RBBP8: variants seen among roughly 807,000 people sequenced by gnomAD.
The protein encoded by RBBP8 is RB binding protein 8, endonuclease.
A neutral mutation model predicts 108.3 loss-of-function variants in RBBP8; 88 were observed. The ratio of observed to expected loss-of-function variants is 0.81; its 90% confidence interval spans 0.68 to 0.97. The LOEUF is 0.97. Ranked by LOEUF, RBBP8 falls within the 50% of genes least tolerant of loss-of-function variation. The pLI, the probability that RBBP8 is intolerant of heterozygous loss-of-function variation, is 0.00. For synonymous variants in RBBP8, 332 were observed against 348.2 expected, an observed-to-expected ratio of 0.95 and a Z score of 0.52; for missense variants, 1,023 against 1,049.0, an observed-to-expected ratio of 0.98 and a Z score of 0.34.
intron 6 of RBBP8, among the ~76,000 whole-genome samples, chr18:22,979,845 G>A (rs187592915): frequency 5.1e-4 from 77 of 152,240 alleles, no homozygotes; most frequent in Admixed American, 1.5e-3. Context: ...AAATGTTTAC[G>A]CCATACCTAC....
At chr18:22,956,140 T>C (rs1269911303) in intron 4 of RBBP8, among the ~76,000 whole-genome samples, 1 of 152,158 alleles carries the variant, frequency 6.6e-6, no homozygotes, top group Non-Finnish European at 1.5e-5. Context: ...AACTAAATAC[T>C]ACCTTTAAAG....
intron 5 of RBBP8, among the ~76,000 whole-genome samples, chr18:22,970,088 TC>T (rs1314412638): frequency 2.6e-5 from 4 of 152,242 alleles, no homozygotes; most frequent in African/African-American, 9.6e-5. Context: ...ATACTTTAAA[TC>T]ATCTCTAGAT....
chr18:23,017,893 C>T (rs1237432192), intron 17 of RBBP8, among the ~76,000 whole-genome samples: 1 of 150,296 alleles, frequency 6.7e-6, no homozygotes, highest in Non-Finnish European at 1.5e-5. Flanking sequence ...ATTACAGGCA[C>T]CTACCACCAT....
At chr18:22,979,978 G>A (rs2089872631) in intron 6 of RBBP8, among the ~76,000 whole-genome samples, 1 of 151,724 alleles carries the variant, frequency 6.6e-6, no homozygotes, top group Non-Finnish European at 1.5e-5. Flanking sequence ...GGGCGCCGTG[G>A]TTCACGCCTA....
intron 8 of RBBP8, among the ~76,000 whole-genome samples, chr18:22,985,984 AT>A (rs1230333189): frequency 2.0e-4 from 30 of 149,478 alleles, no homozygotes; most frequent in African/African-American, 6.4e-4. Context: ...ATTTTTAGAC[AT>A]TTCCCCCCTC....
At chr18:22,999,696 A>G (rs2045915394) in intron 14 of RBBP8, among the ~76,000 whole-genome samples, 2 of 152,150 alleles carry the variant, frequency 1.3e-5, no homozygotes, top group African/African-American at 4.8e-5. Flanking sequence ...AGCACTTAGA[A>G]TTGGTTTAAA....
rs137982648 is a variant in RBBP8 at position 22,920,531 on chromosome 18, C to A, written c.-154+3505C>A. ...TTCAAAGTTATACCTTAAATCTATTCCCTTGAAAGTTCTTTGCCTATCATA... is the reference window on the plus strand; with the variant it reads ...TTCAAAGTTATACCTTAAATCTATTACCTTGAAAGTTCTTTGCCTATCATA... On this transcript the variant is annotated intron_variant, in intron 3 of 4. Transcript: ENST00000577588. 4.0e-3 allele frequency among the ~76,000 whole-genome samples: 606 copies of A among 152,270 alleles called. 6 individuals carry two copies. The highest frequency in any genetic ancestry group is 0.014 in the African/African-American group (572 of 41,542).
At chr18:22,995,038 A>G (rs998129111) in intron 12 of RBBP8, among the ~76,000 whole-genome samples, 2 of 151,118 alleles carry the variant, frequency 1.3e-5, no homozygotes, top group Admixed American at 1.3e-4. Context: ...GCTATCTTTA[A>G]AAAAGTAATT....
chr18:22,976,689 G>C (rs1156281620), intron 6 of RBBP8, among the ~76,000 whole-genome samples: 1 of 152,054 alleles, frequency 6.6e-6, no homozygotes, highest in African/African-American at 2.4e-5. Flanking sequence ...TTTTAGATAA[G>C]TGATTGTTGA....
At chr18:22,954,478 GC>G (rs1468422186) in intron 4 of RBBP8, among the ~76,000 whole-genome samples, 1 of 152,232 alleles carries the variant, frequency 6.6e-6, no homozygotes, top group Non-Finnish European at 1.5e-5. Context: ...TCCAGGTCAT[GC>G]TGATACAAGA....
At chr18:22,984,703 T>G (rs1915195447) in intron 7 of RBBP8, among the ~76,000 whole-genome samples, 183 bp from the exon 8 acceptor site, 1 of 152,198 alleles carries the variant, frequency 6.6e-6, no homozygotes, top group Non-Finnish European at 1.5e-5. Flanking sequence ...GCTTTGTTTC[T>G]TAGTGAAATT....
At chr18:22,917,703 T>A (rs144890237) in intron 3 of RBBP8, among the ~76,000 whole-genome samples, 9 of 152,084 alleles carry the variant, frequency 5.9e-5, no homozygotes, top group African/African-American at 2.2e-4. Flanking sequence ...TGGAAGGCAT[T>A]AAGATATAAT....
intron 6 of RBBP8, among the ~76,000 whole-genome samples, chr18:22,980,016 C>CCG (rs1555640514): frequency 2.6e-5 from 4 of 151,912 alleles, no homozygotes; most frequent in Non-Finnish European, 5.9e-5. Flanking sequence ...GAGGCCGAGA[C>CCG]GGGTGGATCA....
intron 2 of RBBP8, among the ~76,000 whole-genome samples, chr18:22,939,526 C>CA (rs879606994): frequency 2.1e-4 from 30 of 142,386 alleles, no homozygotes; most frequent in Middle Eastern, 3.6e-3. Context: ...AACTCCGTCT[C>CA]AAAAAAAAAA....
At chr18:22,994,332 C>T (rs1390776781) in intron 12 of RBBP8, among the ~76,000 whole-genome samples, 2 of 145,298 alleles carry the variant, frequency 1.4e-5, no homozygotes, top group East Asian at 2.3e-4. Context: ...CACTTATATA[C>T]GTTTTTAAAC....
chr18:22,996,393 C>A lies in RBBP8; in HGVS notation c.1959C>A (p.Ile653=), dbSNP rs758918718. The change falls in exon 13 of 19, where the codon ATC becomes ATA. Residue 653 remains isoleucine (I), a synonymous_variant. Coordinates refer to ENST00000327155, the MANE Select transcript of RBBP8 (RefSeq NM_002894.3). ...CCTAAGATGTATCCTTTGAAAATATCCAGTGGAGTATAGATCCGGGAGCAG... is the reference window on the plus strand; with the variant it reads ...CCTAAGATGTATCCTTTGAAAATATACAGTGGAGTATAGATCCGGGAGCAG... ...QNNQDVSFEN[I]QWSIDPGADL... is the part of the protein sequence containing the mutation. 1.2e-6 allele frequency: 2 copies of A among 1,613,410 alleles called. No homozygotes were observed. Among genetic ancestry groups the A allele is most frequent in the African/African-American group, 2.7e-5 (2 of 74,872 alleles).
chr18:23,001,597 AAAAT>A lies in RBBP8; in HGVS notation c.2156_2159del (p.Lys719ArgfsTer181). On this transcript the variant is annotated frameshift_variant, in exon 15 of 19. Transcript: ENST00000327155. LOFTEE classifies it high-confidence loss of function. The stretch of plus-strand genomic sequence containing the variant: ...GCTCTTTTACATAGATGAAGAAAGA[AAAAT>A]GAATGATAGCTTGGAAGATATGTTT... The A allele has an allele frequency of 6.2e-7, 1 of 1,614,152 alleles. No homozygotes were observed. Among genetic ancestry groups the A allele is most frequent in the Non-Finnish European group, 8.5e-7 (1 of 1,180,008 alleles).
intron 18 of RBBP8, among the ~76,000 whole-genome samples, chr18:23,024,133 C>A (rs1167797135): frequency 6.6e-6 from 1 of 151,016 alleles, no homozygotes; most frequent in East Asian, 1.9e-4. Context: ...GATCCACCCG[C>A]CTCAGCCTCC....
chr18:23,024,162 G>A (rs1172481882), intron 18 of RBBP8, among the ~76,000 whole-genome samples: 12 of 150,800 alleles, frequency 8.0e-5, no homozygotes, highest in Admixed American at 6.7e-4. Context: ...TGGGATTACA[G>A]GCTCGAGCCA....
Sources: allele counts gnomAD v4.1 joint callset (sites outside exome capture counted in the v4.1 genomes callset), GRCh38; gene constraint gnomAD v4.1.1; transcripts MANE v1.5; gene names NCBI Gene and HGNC (gene_info 2026-07-23, HGNC 2026-07-21).